TBXAS1: variants seen among roughly 807,000 people sequenced by gnomAD.
TBXAS1 encodes thromboxane-A synthase.
In TBXAS1, 48 loss-of-function variants were observed where a neutral mutation model predicts 60.7. The observed-to-expected ratio is 0.79, with a 90% CI of 0.63 to 1.01. TBXAS1 has a LOEUF of 1.01. TBXAS1 is among the 50% of genes least tolerant of loss of function. The pLI is 0.00. For missense variants in TBXAS1, 685 were observed against 686.3 expected (o/e 1.00, Z 0.02); for synonymous variants, 287 against 269.7 (o/e 1.06, Z -0.63).
At chr7:139,781,740 T>G (rs1175119479) in intron 2 of TBXAS1, among the ~76,000 whole-genome samples, 1 of 142,288 alleles carries the variant, frequency 7.0e-6, no homozygotes, top group African/African-American at 2.7e-5. Context: ...GAGGCTGAGA[T>G]AGGATAATCG....
At chr7:139,784,011 G>GTTTTTTTTTTTTT (rs11340240) in intron 3 of TBXAS1, among the ~76,000 whole-genome samples, 3 of 132,066 alleles carry the variant, frequency 2.3e-5, no homozygotes, top group East Asian at 2.2e-4. Flanking sequence ...AGTTTTTTTT[G>GTTTTTTTTTTTTT]TTTTTTTTTT....
chr7:139,829,356 C>G lies in TBXAS1; in HGVS notation c.-35C>G, dbSNP rs763025742. 6.2e-7 allele frequency: 1 copy of G among 1,603,004 alleles called. No individual in the cohort carries two copies. Among genetic ancestry groups the G allele is most frequent in the Non-Finnish European group, 8.5e-7 (1 of 1,172,672 alleles). On this transcript the variant is annotated 5_prime_UTR_variant, in exon 1 of 13. The change creates a new upstream start codon in the 5' untranslated region. Transcript: ENST00000448866. The stretch of plus-strand genomic sequence containing the variant: ...CGGCGAGATCAGCCTCCTGTCTCAT[C>G]TGGAAGACCACCACTCTGGGGTCTC...
At chr7:139,865,067 T>C (rs985853089) in intron 1 of TBXAS1, among the ~76,000 whole-genome samples, 2 of 152,232 alleles carry the variant, frequency 1.3e-5, no homozygotes, top group African/African-American at 4.8e-5. Context: ...TTACTACTGA[T>C]ACGTGAGTGA....
At chr7:139,995,391 G>A (rs984476541) in intron 9 of TBXAS1, among the ~76,000 whole-genome samples, 4 of 152,138 alleles carry the variant, frequency 2.6e-5, no homozygotes, top group Non-Finnish European at 4.4e-5. Context: ...AGGGGTGTGC[G>A]GAGGGCAAGT....
At chr7:139,798,432 G>A (rs1267406560) in intron 4 of TBXAS1, among the ~76,000 whole-genome samples, 4 of 152,174 alleles carry the variant, frequency 2.6e-5, no homozygotes, top group African/African-American at 4.8e-5. Context: ...CTGAAACTAC[G>A]TTATTAACTG....
chr7:139,858,775 A>G (rs899420938), intron 1 of TBXAS1, among the ~76,000 whole-genome samples: 17 of 152,236 alleles, frequency 1.1e-4, no homozygotes, highest in Non-Finnish European at 2.1e-4. Flanking sequence ...GCAGTGTCCC[A>G]TAGACTGTGA....
At chr7:139,913,239 T>A (rs1353410010) in intron 4 of TBXAS1, 3 of 671,610 alleles carry the variant, frequency 4.5e-6, no homozygotes, top group Non-Finnish European at 8.3e-6. Context: ...CATTGCTATC[T>A]CCTCGCTCAA....
intron 4 of TBXAS1, among the ~76,000 whole-genome samples, chr7:139,927,424 C>T (rs554704984): frequency 2.0e-5 from 3 of 152,260 alleles, no homozygotes; most frequent in Admixed American, 6.5e-5. Flanking sequence ...AAAAACTCTA[C>T]GCTTTAACAT....
intron 4 of TBXAS1, among the ~76,000 whole-genome samples, chr7:139,804,655 G>T (rs921655471): frequency 6.6e-6 from 1 of 152,080 alleles, no homozygotes; most frequent in Non-Finnish European, 1.5e-5. Flanking sequence ...GAAACATGGG[G>T]GTGGGTTTTT....
chr7:139,893,410 G>A (rs987933488), intron 3 of TBXAS1, among the ~76,000 whole-genome samples: 2 of 151,066 alleles, frequency 1.3e-5, no homozygotes, highest in East Asian at 1.9e-4. Flanking sequence ...TGGGCATAAC[G>A]TGTGGGCAAA....
chr7:139,956,980 A>G (rs1441211080), intron 7 of TBXAS1, among the ~76,000 whole-genome samples: 1 of 152,214 alleles, frequency 6.6e-6, no homozygotes, highest in Non-Finnish European at 1.5e-5. Flanking sequence ...TGAACCCACA[A>G]TGGAAGCTGA....
At chr7:139,959,523 T>C (rs1227250169) in intron 8 of TBXAS1, among the ~76,000 whole-genome samples, 1 of 152,190 alleles carries the variant, frequency 6.6e-6, no homozygotes, top group Non-Finnish European at 1.5e-5. Flanking sequence ...AACCCATCTA[T>C]ACTAATGTTC....
intron 1 of TBXAS1, among the ~76,000 whole-genome samples, chr7:139,863,111 G>A (rs1016695977): frequency 1.3e-5 from 2 of 152,170 alleles, no homozygotes; most frequent in Non-Finnish European, 2.9e-5. Context: ...TGGAGGGCTT[G>A]TACAAGACAG....
At chr7:139,882,873 G>C (rs1802801995) in intron 3 of TBXAS1, among the ~76,000 whole-genome samples, 1 of 152,170 alleles carries the variant, frequency 6.6e-6, no homozygotes, top group Non-Finnish European at 1.5e-5. Flanking sequence ...TAATTATTGA[G>C]CATCATTCAG....
intron 4 of TBXAS1, among the ~76,000 whole-genome samples, chr7:139,918,323 G>A: frequency 6.6e-6 from 1 of 152,158 alleles, no homozygotes. Context: ...CAGTTCACGT[G>A]ACCGTTGGCA....
intron 9 of TBXAS1, among the ~76,000 whole-genome samples, chr7:139,992,450 C>G (rs915606349): frequency 1.3e-5 from 2 of 152,234 alleles, no homozygotes; most frequent in African/African-American, 4.8e-5. Context: ...CCCACACTAG[C>G]GGGGAAGCTC....
At chr7:139,979,586 C>T (rs1811814716) in intron 9 of TBXAS1, among the ~76,000 whole-genome samples, 1 of 151,924 alleles carries the variant, frequency 6.6e-6, no homozygotes, top group East Asian at 1.9e-4. Context: ...ATTAGCCAGG[C>T]TTGGTGGCGT....
At chr7:139,918,969 T>G (rs1161238354) in intron 4 of TBXAS1, among the ~76,000 whole-genome samples, 1 of 152,186 alleles carries the variant, frequency 6.6e-6, no homozygotes, top group Non-Finnish European at 1.5e-5. Flanking sequence ...TTTGGTATTT[T>G]TTTTTTACAT....
At chr7:139,898,816 C>T (rs536077794) in intron 3 of TBXAS1, among the ~76,000 whole-genome samples, 1 of 152,286 alleles carries the variant, frequency 6.6e-6, no homozygotes, top group South Asian at 2.1e-4. Context: ...CATCTGACCT[C>T]ATAACGGTCT....
Sources: allele counts gnomAD v4.1 joint callset (sites outside exome capture counted in the v4.1 genomes callset), GRCh38; gene constraint gnomAD v4.1.1; transcripts MANE v1.5; gene names NCBI Gene and HGNC (gene_info 2026-07-23, HGNC 2026-07-21).